ATP2C1: variants seen among roughly 807,000 people sequenced by gnomAD.
The protein encoded by ATP2C1 is ATPase secretory pathway Ca2+ transporting 1, also known as calcium-transporting ATPase type 2C member 1.
ATP2C1 carries 31 observed loss-of-function variants against 120.5 expected under a neutral mutation model. That is an observed-to-expected ratio of 0.26 (90% CI 0.19 to 0.35). The LOEUF (loss-of-function observed/expected upper bound fraction) is 0.35, where lower values mean the gene tolerates loss of function less well. Ranked by LOEUF, ATP2C1 falls within the 10% of genes least tolerant of loss-of-function variation. The probability of loss-of-function intolerance (pLI) is 1.00; values close to 1 mark genes in which losing one functional copy is unlikely to be tolerated. For synonymous variants in ATP2C1, 351 were observed against 358.7 expected, an observed-to-expected ratio of 0.98 and a Z score of 0.24; for missense variants, 731 against 1,107.5, an observed-to-expected ratio of 0.66 and a Z score of 4.83.
intron 6 of ATP2C1, 56 bp downstream of exon 6, chr3:130,937,519 G>T (rs891208580): frequency 2.1e-6 from 3 of 1,435,632 alleles, no homozygotes; most frequent in African/African-American, 2.8e-5. Context: ...TAAAAATCAA[G>T]GTGTCTTGTG....
chr3:131,016,490 G>T, exon 27 of ATP2C1: 2 of 852,208 alleles, frequency 2.3e-6, no homozygotes, highest in East Asian at 2.7e-5. Flanking sequence ...ATGCCTTGCT[G>T]TATAAATTGA....
At chr3:130,885,703 G>A (rs2068951690) in intron 1 of ATP2C1, among the ~76,000 whole-genome samples, 1 of 151,898 alleles carries the variant, frequency 6.6e-6, no homozygotes, top group South Asian at 2.1e-4. Context: ...GTCTTGAAAA[G>A]TTGTCGTTAT....
chr3:130,892,813 G>C (rs1327426730), upstream of ATP2C1, among the ~76,000 whole-genome samples: 3 of 139,778 alleles, frequency 2.1e-5, no homozygotes, highest in South Asian at 7.0e-4. Context: ...GGTAAATCTA[G>C]AAAGCTGTCC....
At chr3:130,869,861 T>A (rs2068373338) in intron 1 of ATP2C1, among the ~76,000 whole-genome samples, 1 of 151,750 alleles carries the variant, frequency 6.6e-6, no homozygotes, top group African/African-American at 2.4e-5. Flanking sequence ...CAGCAAGGAG[T>A]GATGGAGAAG....
chr3:130,894,395 A>C lies in ATP2C1; in HGVS notation c.-181+58A>C. On this transcript the variant is annotated intron_variant, in intron 1 of 27. Transcript: ENST00000510168. This position sits in a 1 kb window ranked among gnomAD's most constrained non-coding sequence, Gnocchi z 4.5. ...CTAGAAACTTCCAGGTTCTGAAGGA[A>C]GGGGAGGTTCGGGTATCCCCTGGAT... is the stretch of plus-strand genomic sequence containing the variant. The C allele has an allele frequency of 8.6e-7, 1 of 1,157,072 alleles. No homozygotes were observed. Among genetic ancestry groups the C allele is most frequent in the Non-Finnish European group, 1.1e-6 (1 of 930,980 alleles). 71.7% of individuals were successfully genotyped at this position (1,157,072 alleles called of 1,614,324 possible).
chr3:130,904,641 A>G (rs559464939), intron 2 of ATP2C1, among the ~76,000 whole-genome samples: 2 of 152,124 alleles, frequency 1.3e-5, no homozygotes, highest in Non-Finnish European at 2.9e-5. Context: ...AGGTACTGCA[A>G]ATATACTGTG....
intron 2 of ATP2C1, among the ~76,000 whole-genome samples, chr3:130,924,235 G>C (rs533361912): frequency 1.3e-5 from 2 of 151,300 alleles, no homozygotes; most frequent in African/African-American, 4.9e-5. Flanking sequence ...TTGAGGTTTT[G>C]TTTCAAGATT....
Position 130,951,779 on chromosome 3 carries a change from A to G in ATP2C1, c.532-2042A>G, listed in dbSNP as rs533183076. On this transcript the variant is annotated intron_variant, in intron 8 of 27. Transcript: ENST00000510168. ...AAAATCCTTTAAAGTCTAAATGACT[A>G]TTGATCTGTATTTTAAAGAATAATT... is the stretch of plus-strand genomic sequence containing the variant. 4.6e-5 allele frequency among the ~76,000 whole-genome samples: 7 copies of G among 152,286 alleles called. No individual in the cohort carries two copies. The East Asian group carries it at 5.8e-4, about 13-fold the overall frequency.
At chr3:130,987,013 C>G (rs1202859298) in intron 20 of ATP2C1, among the ~76,000 whole-genome samples, 4 of 151,368 alleles carry the variant, frequency 2.6e-5, no homozygotes, top group Non-Finnish European at 4.4e-5. Context: ...GATCATAGCT[C>G]ACTGCTGCCC....
At chr3:130,939,402 G>T (rs1320749255) in intron 6 of ATP2C1, among the ~76,000 whole-genome samples, 1 of 152,042 alleles carries the variant, frequency 6.6e-6, no homozygotes. Context: ...ATAGCTAATT[G>T]TTTTATATAG....
Position 131,002,442 on chromosome 3 carries a change from T to G in ATP2C1, c.*1092T>G. The G allele has an allele frequency of 1.0e-6, 1 of 985,374 alleles. No homozygotes were observed. Among genetic ancestry groups the G allele is most frequent in the Non-Finnish European group, 1.2e-6 (1 of 829,910 alleles). 61.0% of individuals were successfully genotyped at this position (985,374 alleles called of 1,614,324 possible). A position where few individuals can be genotyped will look rare whatever the true frequency, so the allele number is the denominator to read the frequency against. ...GCATCTGAAGCTTCTTTGGCCTAGATTTTAGCACAAACCTGAGTATATCTC... is the reference window on the plus strand; with the variant it reads ...GCATCTGAAGCTTCTTTGGCCTAGAGTTTAGCACAAACCTGAGTATATCTC... On this transcript the variant is annotated 3_prime_UTR_variant, in exon 28 of 28. Coordinates refer to ENST00000510168, the MANE Select transcript of ATP2C1 (RefSeq NM_001378687.1).
chr3:130,974,435 C>A (rs1460581537), intron 17 of ATP2C1, among the ~76,000 whole-genome samples: 3 of 152,180 alleles, frequency 2.0e-5, no homozygotes, highest in African/African-American at 7.2e-5. Flanking sequence ...ACCTACATTT[C>A]CATTTGGAAG....
intron 2 of ATP2C1, among the ~76,000 whole-genome samples, chr3:130,895,291 G>A (rs1446441826): frequency 6.6e-6 from 1 of 152,180 alleles, no homozygotes; most frequent in African/African-American, 2.4e-5. Context: ...TTAATGAAAT[G>A]TTATGAGATG....
chr3:130,867,923 G>C (rs2068249391), intron 1 of ATP2C1: 1 of 230,998 alleles, frequency 4.3e-6, no homozygotes, highest in Non-Finnish European at 8.7e-6. Context: ...CTGAGATGTG[G>C]GGAGCACCTC....
chr3:130,866,125 C>A (rs2068169266), intron 1 of ATP2C1, among the ~76,000 whole-genome samples: 1 of 151,778 alleles, frequency 6.6e-6, no homozygotes, highest in Non-Finnish European at 1.5e-5. Context: ...ACTATATTAC[C>A]CAAGTTTACA....
chr3:131,016,132 C>T (rs765421596), intron 26 of ATP2C1: 17 of 1,613,150 alleles, frequency 1.1e-5, no homozygotes, highest in Non-Finnish European at 1.4e-5. Context: ...TAAAGTTTCC[C>T]ATGGTGCTTA....
rs115441492 is a variant in ATP2C1, at chr3:130,967,377, G to A, written c.1266G>A (p.Met422Ile). The change falls in exon 16 of 28, where the codon ATG becomes ATA. Residue 422 changes from methionine to isoleucine, a missense_variant. By Grantham distance (10) the Met-to-Ile change is conservative (BLOSUM62 1). Transcript: ENST00000510168. ...NDAVIRNNTL[M>I]GKPTEGALIA... is the part of the protein sequence containing the mutation. The stretch of plus-strand genomic sequence containing the variant: ...CTGTAATTAGAAACAATACTCTAAT[G>A]GGGAAGCCAACAGAAGGGGCCTTAA... The A allele has an allele frequency of 5.6e-6, 9 of 1,613,638 alleles. No individual in the cohort carries two copies. In the East Asian group the frequency reaches 2.0e-4, roughly 36 times the overall value.
intron 1 of ATP2C1, among the ~76,000 whole-genome samples, chr3:130,881,515 T>C (rs756162408): frequency 2.0e-5 from 3 of 152,098 alleles, no homozygotes; most frequent in Non-Finnish European, 2.9e-5. Flanking sequence ...CACACCACCA[T>C]GCCCAGCTAG....
At chr3:130,965,193 T>G (rs1484948461) in intron 14 of ATP2C1, 148 bp downstream of exon 14, 1 of 665,374 alleles carries the variant, frequency 1.5e-6, no homozygotes, top group Non-Finnish European at 2.7e-6. Context: ...TTTTACCAAG[T>G]CTTTGTCTCA....
Sources: gnomAD v4.1 joint callset for allele counts (sites outside exome capture counted in the v4.1 genomes callset) on GRCh38, gnomAD v4.1.1 for gene constraint, Gnocchi (gnomAD v3.1) non-coding constraint, MANE v1.5 for transcripts, NCBI Gene and HGNC (gene_info 2026-07-23, HGNC 2026-07-21) for gene names.